CALN1: variants seen among roughly 807,000 people sequenced by gnomAD.
The protein encoded by CALN1 is calneuron 1, also known as calcium-binding protein 8.
Under a neutral mutation model 30.6 loss-of-function variants are expected in CALN1, and 17 were observed. That is an observed-to-expected ratio of 0.56 (90% CI 0.38 to 0.83). CALN1 has a LOEUF of 0.83. Ranked by LOEUF, CALN1 falls within the 40% of genes least tolerant of loss-of-function variation. The probability of loss-of-function intolerance (pLI) is 0.00; values close to 1 mark genes in which losing one functional copy is unlikely to be tolerated. For synonymous variants in CALN1, 156 were observed against 131.4 expected, an observed-to-expected ratio of 1.19 and a Z score of -1.28; for missense variants, 291 against 354.9, an observed-to-expected ratio of 0.82 and a Z score of 1.45.
chr7:71,834,366 A>AT (rs2116444449), intron 5 of CALN1, among the ~76,000 whole-genome samples: 1 of 151,186 alleles, frequency 6.6e-6, no homozygotes, highest in Non-Finnish European at 1.5e-5. Flanking sequence ...AAAAAAAAAA[A>AT]AAAAAAAATC....
At position 71,878,118 on chromosome 7, in the gene CALN1, G is replaced by A. The variant is rs534830010; in HGVS notation, c.502-67626C>T. On this transcript the variant is annotated intron_variant, in intron 5 of 6. Coordinates refer to ENST00000395275, the MANE Select transcript of CALN1 (RefSeq NM_031468.4). ...AAATCAATATAGTGTTGACCAAAAA[G>A]AAGACAAACCAGTAGACTAGACTAG... 3.9e-5 allele frequency among the ~76,000 whole-genome samples: 6 copies of A among 152,298 alleles called. No individual in the cohort carries two copies. In the East Asian group the frequency reaches 1.2e-3, roughly 29 times the overall value.
intron 2 of CALN1, among the ~76,000 whole-genome samples, chr7:72,355,474 C>A (rs182055970): frequency 6.6e-6 from 1 of 152,118 alleles, no homozygotes; most frequent in South Asian, 2.1e-4. Flanking sequence ...GGCAGTGAGC[C>A]GGGATTACAC....
chr7:72,183,036 G>C (rs1789930368), intron 3 of CALN1, among the ~76,000 whole-genome samples: 1 of 152,072 alleles, frequency 6.6e-6, no homozygotes, highest in Admixed American at 6.6e-5. Context: ...GCTCTATGGG[G>C]CTTTTTTGTT....
intron 2 of CALN1, among the ~76,000 whole-genome samples, chr7:72,401,673 A>G (rs575954381): frequency 1.6e-3 from 245 of 152,270 alleles, no homozygotes; most frequent in South Asian, 5.0e-3. Context: ...GCTGCTCGCA[A>G]CTCTTGCCAA....
At chr7:71,789,960 G>C (rs2115865205) in intron 6 of CALN1, among the ~76,000 whole-genome samples, 1 of 151,828 alleles carries the variant, frequency 6.6e-6, no homozygotes, top group Non-Finnish European at 1.5e-5. Context: ...AAATTTAGCT[G>C]GGTGTCGTTG....
chr7:72,273,034 A>T (rs1039049009), intron 3 of CALN1, among the ~76,000 whole-genome samples: 2 of 113,446 alleles, frequency 1.8e-5, no homozygotes, highest in African/African-American at 6.8e-5. Context: ...CAAAGACAGC[A>T]GGAACAACCA....
intron 5 of CALN1, among the ~76,000 whole-genome samples, chr7:71,936,420 A>G (rs922515463): frequency 6.0e-5 from 9 of 150,670 alleles, no homozygotes; most frequent in Middle Eastern, 3.2e-3. Flanking sequence ...AAAAAAAAAA[A>G]GATGAGCGTA....
At chr7:72,461,260 T>C in the CALN1 span, among the ~76,000 whole-genome samples, 1 of 152,206 alleles carries the variant, frequency 6.6e-6, no homozygotes, top group Non-Finnish European at 1.5e-5. Context: ...TGGAGATTTC[T>C]CAAAGAACTG....
At chr7:72,220,716 CTTT>C (rs958693436) in intron 3 of CALN1, among the ~76,000 whole-genome samples, 2 of 151,628 alleles carry the variant, frequency 1.3e-5, no homozygotes, top group African/African-American at 4.8e-5. Context: ...TGTTTCCTGA[CTTT>C]TTAATGATTG....
In CALN1 at chr7:72,284,758, G is replaced by A. The variant is rs142584356; in HGVS notation, c.120-5948C>T. ...GACAGCAGACTGTGGAATTTTCAGA[G>A]TCTGTAACTGCATGAGCTAATTCCT... On this transcript the variant is annotated intron_variant, in intron 2 of 6. Coordinates refer to ENST00000395275, the MANE Select transcript of CALN1 (RefSeq NM_031468.4). Among the ~76,000 whole-genome samples the A allele has an allele frequency of 9.8e-3, 1,489 of 152,162 alleles. 26 individuals are homozygous for A. Among genetic ancestry groups the A allele is most frequent in the African/African-American group, 0.034 (1,396 of 41,488 alleles).
chr7:72,477,749 G>A, the CALN1 span, among the ~76,000 whole-genome samples: 6 of 152,142 alleles, frequency 3.9e-5, no homozygotes, highest in South Asian at 4.2e-4. Context: ...TTGTAGAGAC[G>A]AGGTCTCACT....
intron 3 of CALN1, among the ~76,000 whole-genome samples, chr7:72,181,470 G>A (rs936038738): frequency 6.9e-6 from 1 of 144,708 alleles, no homozygotes; most frequent in Admixed American, 7.3e-5. Context: ...CTAGCTCATA[G>A]TAAGGATTTC....
chr7:71,877,910 G>T (rs546761709), intron 5 of CALN1, among the ~76,000 whole-genome samples: 7 of 152,294 alleles, frequency 4.6e-5, no homozygotes, highest in African/African-American at 1.7e-4. Context: ...AAGCCATTTT[G>T]CCATAGTGGT....
intron 5 of CALN1, among the ~76,000 whole-genome samples, chr7:71,888,714 C>T (rs909691271): frequency 1.3e-5 from 2 of 151,738 alleles, no homozygotes; most frequent in African/African-American, 4.8e-5. Context: ...TTAACAATCA[C>T]AGGCAGAGTT....
At chr7:71,925,262 G>A (rs993840425) in intron 5 of CALN1, among the ~76,000 whole-genome samples, 5 of 151,560 alleles carry the variant, frequency 3.3e-5, no homozygotes, top group African/African-American at 1.2e-4. Flanking sequence ...GAGAGACAAA[G>A]AAAAGCAAGC....
At chr7:72,115,905 T>C (rs1407373527) in intron 3 of CALN1, among the ~76,000 whole-genome samples, 1 of 152,154 alleles carries the variant, frequency 6.6e-6, no homozygotes, top group Non-Finnish European at 1.5e-5. Flanking sequence ...CATATATGAA[T>C]GATAACATGC....
In CALN1 at chr7:71,941,122, G is replaced by A. The variant is rs552207657; in HGVS notation, c.501+82535C>T. On this transcript the variant is annotated intron_variant, in intron 5 of 6. Coordinates refer to ENST00000395275, the MANE Select transcript of CALN1 (RefSeq NM_031468.4). ...AGCACTTTGGGAGGCCAAGGTGGGC[G>A]GATCACCTGAGGTCAAGAGCTCAAA... 1.4e-4 allele frequency among the ~76,000 whole-genome samples: 22 copies of A among 152,120 alleles called. No homozygotes were observed. The East Asian group carries it at 2.5e-3, about 17-fold the overall frequency.
the CALN1 span, among the ~76,000 whole-genome samples, chr7:72,465,556 T>G: frequency 3.3e-5 from 5 of 152,098 alleles, no homozygotes; most frequent in African/African-American, 1.2e-4. Context: ...AAATGAGCAG[T>G]GGAAATTGAC....
intron 5 of CALN1, among the ~76,000 whole-genome samples, chr7:71,918,514 A>G (rs1024073407): frequency 6.6e-6 from 1 of 152,194 alleles, no homozygotes; most frequent in African/African-American, 2.4e-5. Flanking sequence ...TCCTACTGGG[A>G]GAACTGAGGC....
Sources: allele counts gnomAD v4.1 joint callset (sites outside exome capture counted in the v4.1 genomes callset), GRCh38; gene constraint gnomAD v4.1.1; transcripts MANE v1.5; gene names NCBI Gene and HGNC (gene_info 2026-07-23, HGNC 2026-07-21).